Variants in TRIM44 observed in about 807,000 individuals in gnomAD.
The protein encoded by TRIM44 is tripartite motif containing 44.
A neutral mutation model predicts 37.4 loss-of-function variants in TRIM44; 13 were observed. The observed-to-expected ratio is 0.35, with a 90% CI of 0.23 to 0.55. TRIM44 has a LOEUF of 0.55. Ranked by LOEUF, TRIM44 falls within the 20% of genes least tolerant of loss-of-function variation. The probability of loss-of-function intolerance (pLI) is 0.89; values close to 1 mark genes in which losing one functional copy is unlikely to be tolerated. For synonymous variants in TRIM44, 175 were observed against 157.2 expected (o/e 1.11, Z -0.85); for missense variants, 426 against 437.2 (o/e 0.97, Z 0.23).
chr11:35,708,654 C>T (rs1221473476), intron 2 of TRIM44, among the ~76,000 whole-genome samples: 1 of 151,442 alleles, frequency 6.6e-6, no homozygotes, highest in Non-Finnish European at 1.5e-5. Flanking sequence ...AGTAAACTAT[C>T]GTAAGAACAA....
At chr11:35,717,458 A>G (rs1005080179) in intron 2 of TRIM44, among the ~76,000 whole-genome samples, 2 of 152,224 alleles carry the variant, frequency 1.3e-5, no homozygotes, top group East Asian at 1.9e-4. Flanking sequence ...AACCTGACCA[A>G]TCAGGACTCC....
intron 2 of TRIM44, 58 bp from the exon 3 acceptor site, chr11:35,725,866 T>C: frequency 1.3e-6 from 2 of 1,588,310 alleles, no homozygotes; most frequent in Non-Finnish European, 1.7e-6. Flanking sequence ...GTAATAACTC[T>C]GCCCTTTTGT....
At chr11:35,676,022 C>CAA (rs1282973196) in intron 1 of TRIM44, among the ~76,000 whole-genome samples, 2 of 152,124 alleles carry the variant, frequency 1.3e-5, no homozygotes, top group African/African-American at 4.8e-5. Flanking sequence ...ATTGAAGGAC[C>CAA]AAACAGTCTT....
chr11:35,755,881 A>G (rs1852630800), intron 4 of TRIM44, among the ~76,000 whole-genome samples: 2 of 152,202 alleles, frequency 1.3e-5, no homozygotes, highest in Middle Eastern at 3.2e-3. Context: ...TTTTGGTACC[A>G]GTACCATGCT....
intron 4 of TRIM44, among the ~76,000 whole-genome samples, chr11:35,772,922 A>T (rs531577781): frequency 1.3e-5 from 2 of 152,266 alleles, no homozygotes; most frequent in Admixed American, 1.3e-4. Context: ...GGGCAGAAAG[A>T]TGGTTTGGCT....
chr11:35,710,384 C>G (rs1851954518), intron 2 of TRIM44, among the ~76,000 whole-genome samples: 1 of 152,292 alleles, frequency 6.6e-6, no homozygotes, highest in Non-Finnish European at 1.5e-5. Context: ...CAATAATTTT[C>G]CTGTCTACCC....
chr11:35,729,302 C>T (rs1180317869), intron 3 of TRIM44, among the ~76,000 whole-genome samples: 3 of 152,124 alleles, frequency 2.0e-5, no homozygotes, highest in Admixed American at 6.6e-5. Flanking sequence ...TATATATGCC[C>T]TATGTTAATG....
At chr11:35,681,309 T>C (rs906084796) in intron 1 of TRIM44, among the ~76,000 whole-genome samples, 2 of 152,208 alleles carry the variant, frequency 1.3e-5, no homozygotes, top group African/African-American at 4.8e-5. Context: ...ATGAAAGTGC[T>C]TTGGAGACTA....
chr11:35,693,256 C>T (rs978402673), intron 2 of TRIM44, among the ~76,000 whole-genome samples: 1 of 152,108 alleles, frequency 6.6e-6, no homozygotes, highest in African/African-American at 2.4e-5. Context: ...TATAGAAGTA[C>T]GGAGTCCTTC....
intron 3 of TRIM44, among the ~76,000 whole-genome samples, chr11:35,729,586 C>A (rs1292477465): frequency 6.6e-6 from 1 of 152,190 alleles, no homozygotes. Context: ...CACTCCTGCC[C>A]TGTAGTAATG....
At chr11:35,734,178 CTTAG>C (rs1443191151) in intron 3 of TRIM44, among the ~76,000 whole-genome samples, 1 of 151,964 alleles carries the variant, frequency 6.6e-6, no homozygotes, top group African/African-American at 2.4e-5. Flanking sequence ...ATTGTTTTTC[CTTAG>C]TTAGCATATA....
At chr11:35,737,443 A>G (rs1234023803) in intron 4 of TRIM44, among the ~76,000 whole-genome samples, 2 of 152,048 alleles carry the variant, frequency 1.3e-5, no homozygotes, top group Non-Finnish European at 2.9e-5. Flanking sequence ...GCTACTCAGA[A>G]GGCTGAGGTG....
chr11:35,738,094 A>G (rs1171241162), intron 4 of TRIM44, among the ~76,000 whole-genome samples: 1 of 152,198 alleles, frequency 6.6e-6, no homozygotes, highest in Non-Finnish European at 1.5e-5. Flanking sequence ...AGTTCAAACA[A>G]GACCATGATA....
chr11:35,788,209 C>A (rs141860108), intron 4 of TRIM44, among the ~76,000 whole-genome samples: 1 of 152,058 alleles, frequency 6.6e-6, no homozygotes, highest in Non-Finnish European at 1.5e-5. Flanking sequence ...TCATGGAAGA[C>A]GTAGACTTAG....
intron 4 of TRIM44, among the ~76,000 whole-genome samples, chr11:35,773,676 G>A (rs1852907348): frequency 6.6e-6 from 1 of 152,000 alleles, no homozygotes; most frequent in African/African-American, 2.4e-5. Flanking sequence ...CTGTGTCCAA[G>A]CATTCTCATT....
intron 1 of TRIM44, among the ~76,000 whole-genome samples, chr11:35,668,102 G>C (rs948952057): frequency 4.4e-4 from 67 of 152,156 alleles, no homozygotes; most frequent in African/African-American, 1.6e-3. Flanking sequence ...TCTATTCCTG[G>C]AGAGAGTGAA....
At position 35,718,841 on chromosome 11, in the gene TRIM44, T is replaced by C. The variant is rs534283620; in HGVS notation, c.748-7083T>C. Among the ~76,000 whole-genome samples the C allele has an allele frequency of 5.3e-5, 8 of 152,180 alleles. No individual in the cohort carries two copies. The South Asian group carries it at 1.7e-3, about 32-fold the overall frequency. ...TAGATTGGCTTCTTTCACATAGTAA[T>C]ATACACTTAAGATTCTCTCATGTAT... On this transcript the variant is annotated intron_variant, in intron 2 of 4. Transcript: ENST00000299413.
intron 2 of TRIM44, among the ~76,000 whole-genome samples, chr11:35,703,188 G>A (rs1467969937): frequency 3.3e-5 from 5 of 152,186 alleles, no homozygotes; most frequent in African/African-American, 7.2e-5. Flanking sequence ...CCTGCAAGGC[G>A]GAAGCAAGGC....
At chr11:35,805,328 C>G (rs1853432983) in intron 4 of TRIM44, among the ~76,000 whole-genome samples, 1 of 152,184 alleles carries the variant, frequency 6.6e-6, no homozygotes, top group East Asian at 1.9e-4. Flanking sequence ...TGGGGAGAAA[C>G]TAGGCAAGTT....
Sources: gnomAD v4.1 joint callset for allele counts (sites outside exome capture counted in the v4.1 genomes callset) on GRCh38, gnomAD v4.1.1 for gene constraint, MANE v1.5 for transcripts, NCBI Gene and HGNC (gene_info 2026-07-23, HGNC 2026-07-21) for gene names.